The following PCDHA7 variants were observed in gnomAD, a reference collection of about 807,000 sequenced individuals.
The protein encoded by PCDHA7 is protocadherin alpha-7.
Under a neutral mutation model 57.2 loss-of-function variants are expected in PCDHA7, and 37 were observed. The ratio of observed to expected loss-of-function variants is 0.65; its 90% confidence interval spans 0.50 to 0.85. The LOEUF is 0.85. Ranked by LOEUF, PCDHA7 falls within the 40% of genes least tolerant of loss-of-function variation. The pLI, the probability that PCDHA7 is intolerant of heterozygous loss-of-function variation, is 0.00. For missense variants in PCDHA7, 1,188 were observed against 1,241.8 expected (o/e 0.96, Z 0.65); for synonymous variants, 553 against 558.8 (o/e 0.99, Z 0.15).
At chr5:140,868,091 GATA>G (rs1310708872) in intron 1 of PCDHA7, 1 of 151,974 alleles carries the variant, frequency 6.6e-6, no homozygotes, top group Non-Finnish European at 1.5e-5. Context: ...TTTATAAAAT[GATA>G]ATAAAATTTA....
At chr5:140,885,543 G>A (rs1554182177) in intron 1 of PCDHA7, among the ~76,000 whole-genome samples, 2 of 152,092 alleles carry the variant, frequency 1.3e-5, no homozygotes, top group Non-Finnish European at 2.9e-5. Flanking sequence ...CAAAATATTG[G>A]TGTTATTTCT....
At chr5:140,931,405 G>A (rs1395168165) in intron 1 of PCDHA7, among the ~76,000 whole-genome samples, 1 of 151,984 alleles carries the variant, frequency 6.6e-6, no homozygotes, top group South Asian at 2.1e-4. Flanking sequence ...CGATAGGAAG[G>A]CTGATGAATC....
At position 140,836,268 on chromosome 5, in the gene PCDHA7, G is replaced by A; in HGVS notation, c.1885G>A (p.Gly629Ser). 1 of 1,613,816 alleles carries A rather than the reference G, an allele frequency of 6.2e-7. No homozygotes were observed. Among genetic ancestry groups the A allele is most frequent in the African/African-American group, 1.3e-5 (1 of 74,968 alleles). Reference sequence around the variant, plus strand: ...CCCGTTCCGCGTGGGGCTGTACACTGGTGAGATCAGCACGACACGAGCCCT... The same window carrying A: ...CCCGTTCCGCGTGGGGCTGTACACTAGTGAGATCAGCACGACACGAGCCCT... ...SIPFRVGLYT[G>S]EISTTRALDE... Residue 629 changes from glycine (G) to serine (S), a missense_variant, in exon 1 of 4, where the codon GGT becomes AGT. Transcript: ENST00000525929.
In PCDHA7 at chr5:140,857,002, T is replaced by G. The variant is rs1215860604; in HGVS notation, c.2355+20264T>G. On this transcript the variant is annotated intron_variant, in intron 1 of 3. Transcript: ENST00000525929. ...AGGACAGTAACACTTATGAAATTCATGTAGATGTTACAGATAAGGGAAACC... is the reference window on the plus strand; with the variant it reads ...AGGACAGTAACACTTATGAAATTCAGGTAGATGTTACAGATAAGGGAAACC... 4 of 1,595,276 alleles carry G rather than the reference T, an allele frequency of 2.5e-6. No individual in the cohort carries two copies. In the African/African-American group the frequency reaches 5.4e-5, roughly 22 times the overall value.
chr5:140,870,919 C>T (rs1562653740), intron 1 of PCDHA7: 1 of 1,613,952 alleles, frequency 6.2e-7, no homozygotes, highest in Non-Finnish European at 8.5e-7. Context: ...CAACGCGTGG[C>T]TTTCATATGA....
chr5:140,899,550 A>C (rs932403675), intron 1 of PCDHA7, among the ~76,000 whole-genome samples: 1 of 152,176 alleles, frequency 6.6e-6, no homozygotes, highest in Admixed American at 6.5e-5. Flanking sequence ...ATGGTGGATA[A>C]GCTTTTTGAT....
chr5:140,971,488 A>G (rs17119328), intron 1 of PCDHA7, among the ~76,000 whole-genome samples: 1 of 152,104 alleles, frequency 6.6e-6, no homozygotes, highest in African/African-American at 2.4e-5. Flanking sequence ...ACATTGTTAC[A>G]GTGTGGCAAG....
At chr5:140,951,426 A>T (rs1282737926) in intron 1 of PCDHA7, among the ~76,000 whole-genome samples, 1 of 152,068 alleles carries the variant, frequency 6.6e-6, no homozygotes, top group Non-Finnish European at 1.5e-5. Flanking sequence ...ACAGTTCCAC[A>T]GGCTGTAGGA....
At chr5:140,948,563 AT>A (rs1400147953) in intron 1 of PCDHA7, among the ~76,000 whole-genome samples, 1 of 151,546 alleles carries the variant, frequency 6.6e-6, no homozygotes, top group East Asian at 1.9e-4. Context: ...GTTAAGTTGT[AT>A]TTTTTAAAGG....
chr5:140,968,966 T>C (rs781901506), intron 1 of PCDHA7: 1 of 1,614,216 alleles, frequency 6.2e-7, no homozygotes, highest in East Asian at 2.2e-5. Context: ...GTGCTACCGC[T>C]ACACTGCGTA....
chr5:140,950,708 T>A (rs1554219597), intron 1 of PCDHA7, among the ~76,000 whole-genome samples: 1 of 152,068 alleles, frequency 6.6e-6, no homozygotes, highest in East Asian at 1.9e-4. Context: ...AAATTTTTGT[T>A]CCTTATATCC....
At chr5:140,903,845 C>T (rs2070659171) in intron 1 of PCDHA7, among the ~76,000 whole-genome samples, 1 of 152,006 alleles carries the variant, frequency 6.6e-6, no homozygotes, top group Admixed American at 6.6e-5. Context: ...TTTCATTTAT[C>T]TTAACAAATA....
intron 1 of PCDHA7, 84 bp downstream of exon 1, chr5:140,836,822 T>C: frequency 9.7e-7 from 1 of 1,033,238 alleles, no homozygotes; most frequent in African/African-American, 1.6e-5. Flanking sequence ...ATAATTTCTT[T>C]TTTAGTTGAT....
intron 1 of PCDHA7, among the ~76,000 whole-genome samples, chr5:140,956,246 C>T (rs2095270779): frequency 6.6e-6 from 1 of 152,094 alleles, no homozygotes; most frequent in African/African-American, 2.4e-5. Context: ...GGGAATGCTT[C>T]CAGGTTTTGC....
At chr5:140,968,609 G>C (rs1554230915) in intron 1 of PCDHA7, 1 of 1,614,194 alleles carries the variant, frequency 6.2e-7, no homozygotes, top group Admixed American at 1.7e-5. Context: ...CTCAGACTCT[G>C]GGCAAAATGC....
rs201945218 is a variant in PCDHA7 at position 140,849,444 on chromosome 5, A to C, written c.2355+12706A>C. On this transcript the variant is annotated intron_variant, in intron 1 of 3. Transcript: ENST00000525929. Reference sequence around the variant, plus strand: ...GGATTTTGAAGAAAGTAGAGCACACAAGATCCCAGTCGAGGCTGTCGATAA... The same window carrying C: ...GGATTTTGAAGAAAGTAGAGCACACCAGATCCCAGTCGAGGCTGTCGATAA... The C allele has an allele frequency of 1.8e-4, 290 of 1,585,348 alleles. 21 individuals carry two copies. The highest frequency in any genetic ancestry group is 2.4e-4 in the Non-Finnish European group (278 of 1,160,480).
At position 140,836,671 on chromosome 5, in the gene PCDHA7, G is replaced by A. The variant is rs146098956; in HGVS notation, c.2288G>A (p.Gly763Asp). The A allele has an allele frequency of 1.4e-5, 22 of 1,613,282 alleles. No individual in the cohort carries two copies. The African/African-American group carries it at 2.8e-4, about 21-fold the overall frequency. The change falls in exon 1 of 4, where the codon GGC becomes GAC. Residue 763 changes from glycine (G) to aspartate (D), a missense_variant. By Grantham distance (94) the Gly-to-Asp change is moderately conservative (BLOSUM62 -1). Coordinates refer to ENST00000525929, the MANE Select transcript of PCDHA7 (RefSeq NM_018910.3). ...QRRQRVCSGEGPPKTDLMAFS... is the reference protein window; with the variant it reads ...QRRQRVCSGEDPPKTDLMAFS... ...CGGCAGAGGGTGTGCTCTGGGGAGG[G>A]CCCACCCAAGACAGACCTCATGGCC...
At chr5:140,859,929 A>C (rs568538695) in intron 1 of PCDHA7, 3 of 152,046 alleles carry the variant, frequency 2.0e-5, no homozygotes, top group African/African-American at 7.2e-5. Context: ...TAATATAAAA[A>C]ACTTAGTAAA....
intron 1 of PCDHA7, among the ~76,000 whole-genome samples, chr5:140,907,117 T>G (rs2073177882): frequency 6.6e-6 from 1 of 152,156 alleles, no homozygotes; most frequent in Non-Finnish European, 1.5e-5. Context: ...ACCCCTTGAT[T>G]CCTGGACCTG....
Sources: allele counts gnomAD v4.1 joint callset (sites outside exome capture counted in the v4.1 genomes callset), GRCh38; gene constraint gnomAD v4.1.1; transcripts MANE v1.5; gene names NCBI Gene and HGNC (gene_info 2026-07-23, HGNC 2026-07-21).